ARMCX4: variants seen among roughly 807,000 people sequenced by gnomAD.
ARMCX4 encodes the protein armadillo repeat containing X-linked 4.
Under a neutral mutation model 34.7 loss-of-function variants are expected in ARMCX4, and 3 were observed. That is an observed-to-expected ratio of 0.09 (90% CI 0.04 to 0.22). The LOEUF is 0.22. ARMCX4 is among the 10% of genes least tolerant of loss of function. The pLI, the probability that ARMCX4 is intolerant of heterozygous loss-of-function variation, is 1.00. For missense variants in ARMCX4, 1,448 were observed against 1,720.8 expected (o/e 0.84, Z 2.81); for synonymous variants, 513 against 632.8 (o/e 0.81, Z 2.84).
chrX:101,500,148 C>T (rs193094021), downstream of ARMCX4, among the ~76,000 whole-genome samples: 8 of 111,372 alleles, frequency 7.2e-5, no homozygotes, highest in East Asian at 2.0e-3. Context: ...TCTTAATTGT[C>T]CCCCTTATTA....
At chrX:101,501,286 A>G (rs1934292946) in intron 7 of ARMCX4, among the ~76,000 whole-genome samples, 1 of 113,282 alleles carries the variant, frequency 8.8e-6, no homozygotes, top group African/African-American at 3.2e-5. Flanking sequence ...CTTGATGCAT[A>G]CAAGAGACAG....
chrX:101,525,405 C>T (rs1556020168), intron 11 of ARMCX4, among the ~76,000 whole-genome samples: 1 of 111,711 alleles, frequency 9.0e-6, no homozygotes, highest in East Asian at 2.8e-4. Flanking sequence ...ACCAGAGCGC[C>T]TCTTCTCCTC....
intron 2 of ARMCX4, among the ~76,000 whole-genome samples, chrX:101,423,045 G>T (rs1555990346): frequency 9.1e-6 from 1 of 109,356 alleles, no homozygotes; most frequent in African/African-American, 3.3e-5. Flanking sequence ...GAGTAGCTGG[G>T]ATTACAGGCG....
intron 4 of ARMCX4, among the ~76,000 whole-genome samples, chrX:101,467,564 A>G (rs782773486): frequency 8.9e-6 from 1 of 112,284 alleles, no homozygotes; most frequent in East Asian, 2.8e-4. Flanking sequence ...GGTGATGATG[A>G]TATAATTCCT....
upstream of ARMCX4, among the ~76,000 whole-genome samples, chrX:101,480,553 G>A (rs1933403023): frequency 9.0e-6 from 1 of 111,456 alleles, no homozygotes; most frequent in East Asian, 2.8e-4. Flanking sequence ...GCGACACAGC[G>A]AAACCCTGTC....
chrX:101,505,655 A>C (rs1406967781), intron 8 of ARMCX4, among the ~76,000 whole-genome samples: 2 of 111,648 alleles, frequency 1.8e-5, no homozygotes, highest in Non-Finnish European at 3.8e-5. Flanking sequence ...ATTGAAACCG[A>C]GGGTACAGCC....
intron 7 of ARMCX4, among the ~76,000 whole-genome samples, chrX:101,503,429 A>G (rs1556014234): frequency 9.0e-6 from 1 of 111,496 alleles, no homozygotes; most frequent in Non-Finnish European, 1.9e-5. Flanking sequence ...CTATTTCTCT[A>G]CATCCTCTCC....
chrX:101,466,356 C>T (rs1241212828), intron 4 of ARMCX4, among the ~76,000 whole-genome samples: 4 of 111,507 alleles, frequency 3.6e-5, no homozygotes, highest in African/African-American at 1.3e-4. Flanking sequence ...ATACACTTCC[C>T]ATGTGACTCA....
chrX:101,441,767 A>G (rs1400568234), intron 2 of ARMCX4, among the ~76,000 whole-genome samples: 1 of 111,264 alleles, frequency 9.0e-6, no homozygotes, highest in African/African-American at 3.3e-5. Context: ...TGCAGTCACA[A>G]TAATCGTGGC....
Position 101,489,313 on chromosome X carries a change from A to G in ARMCX4, c.724A>G (p.Thr242Ala). 1 of 1,155,566 alleles carries G rather than the reference A, an allele frequency of 8.7e-7. No homozygotes were observed. Among genetic ancestry groups the G allele is most frequent in the African/African-American group, 1.8e-5 (1 of 56,307 alleles). Residue 242 changes from threonine (T) to alanine (A), a missense_variant, in exon 6 of 6, where the codon ACT becomes GCT. Thr to Ala is a moderately conservative substitution (Grantham distance 58, BLOSUM62 0). Around this residue, in one of 2 missense-constraint regions of ARMCX4, gnomAD observed 1,343 missense variants for 1,540.7 expected, o/e 0.87. Coordinates refer to ENST00000423738, the MANE Select transcript of ARMCX4 (RefSeq NM_001256155.3). ...DETKTRALEE[T>A]VSVAKTQSEA... is the part of the protein sequence containing the mutation. Reference sequence around the variant, plus strand: ...AACCAAGACAAGAGCTCTGGAAGAGACTGTGAGTGTGGCTAAGACTCAGTC... The same window carrying G: ...AACCAAGACAAGAGCTCTGGAAGAGGCTGTGAGTGTGGCTAAGACTCAGTC...
At chrX:101,498,160 G>A (rs988590680), downstream of ARMCX4, 1 of 328,860 alleles carries the variant, frequency 3.0e-6, no homozygotes, top group African/African-American at 2.7e-5. Flanking sequence ...GATCCCAAGA[G>A]CATTCCCTAG....
At chrX:101,422,452 C>T (rs1028844832) in intron 2 of ARMCX4, among the ~76,000 whole-genome samples, 1 of 109,780 alleles carries the variant, frequency 9.1e-6, no homozygotes, top group African/African-American at 3.3e-5. Flanking sequence ...GGTGGGATGG[C>T]AGAACTGGTT....
chrX:101,521,821 C>T lies in ARMCX4; in HGVS notation c.*1781-9823C>T, dbSNP rs186092523. Among the ~76,000 whole-genome samples the T allele has an allele frequency of 2.5e-4, 28 of 111,252 alleles. 1 individual carries two copies. Among genetic ancestry groups the T allele is most frequent in the Admixed American group, 2.1e-3 (22 of 10,414 alleles). On this transcript the variant is annotated intron_variant and NMD_transcript_variant, in intron 11 of 12. Coordinates refer to the ARMCX4 transcript ENST00000354842. ...ATTTGCACATATGTGTGCATCAACC[C>T]CTATTTTTTGTTGTTGATTCTTAAT...
At chrX:101,437,456 C>A (rs1486012023) in intron 2 of ARMCX4, among the ~76,000 whole-genome samples, 5 of 111,730 alleles carry the variant, frequency 4.5e-5, no homozygotes, top group African/African-American at 1.6e-4. Flanking sequence ...GTATTCTATG[C>A]TGGTAATTTG....
intron 2 of ARMCX4, among the ~76,000 whole-genome samples, chrX:101,432,929 T>TACACAC (rs1930246107): frequency 6.3e-5 from 6 of 94,686 alleles, no homozygotes; most frequent in East Asian, 3.5e-4. Context: ...CATACGTATA[T>TACACAC]ATATACGTGT....
Position 101,491,388 on chromosome X carries a change from T to C in ARMCX4, c.2799T>C (p.Asn933=), listed in dbSNP as rs1933974108. Residue 933 remains asparagine (N), a synonymous_variant, in exon 6 of 6, where the codon AAT becomes AAC. Transcript: ENST00000423738. ...GGAATAAGGTCAAGGGCAATTCCAA[T>C]GCTATTTCTAAGGCAGAGGCTGGGG... is the stretch of plus-strand genomic sequence containing the variant. ...GARNKVKGNS[N]AISKAEAGAG... The C allele has an allele frequency of 2.6e-6, 3 of 1,155,336 alleles. No individual in the cohort carries two copies. The highest frequency in any genetic ancestry group is 1.1e-6 in the Non-Finnish European group (1 of 872,888).
At position 101,527,386 on chromosome X, in the gene ARMCX4, T is replaced by C. The variant is rs372586003; in HGVS notation, c.*1781-4258T>C. Among the ~76,000 whole-genome samples, 33 of 111,143 alleles carry C rather than the reference T, an allele frequency of 3.0e-4. No homozygotes were observed. In the East Asian group the frequency reaches 8.3e-3, roughly 28 times the overall value. On this transcript the variant is annotated intron_variant and NMD_transcript_variant, in intron 11 of 12. Coordinates refer to the ARMCX4 transcript ENST00000354842. ...TGCCCACAAGAGAAAGCAGGAAAGA[T>C]CTAAAATCGACACCCTAACATCACA...
Position 101,490,229 on chromosome X carries a change from G to A in ARMCX4, c.1640G>A (p.Cys547Tyr), listed in dbSNP as rs1933916309. 9.5e-6 allele frequency: 11 copies of A among 1,155,515 alleles called. No homozygotes were observed. The highest frequency in any genetic ancestry group is 1.3e-5 in the Non-Finnish European group (11 of 872,821). Residue 547 changes from cysteine (C) to tyrosine (Y), a missense_variant, in exon 6 of 6, where the codon TGT becomes TAT. By Grantham distance (194) the Cys-to-Tyr change is radical. Around this residue, in one of 2 missense-constraint regions of ARMCX4, gnomAD observed 1,343 missense variants for 1,540.7 expected, o/e 0.87. Coordinates refer to ENST00000423738, the MANE Select transcript of ARMCX4 (RefSeq NM_001256155.3). ...KTGPGMDMKT[C>Y]TQPQAGVKTP... ...GGGCCTGGGATGGACATGAAAACCT[G>A]TACACAACCTCAGGCTGGGGTCAAG... is the stretch of plus-strand genomic sequence containing the variant.
chrX:101,530,543 GTAGT>G (rs1457336635), intron 11 of ARMCX4, among the ~76,000 whole-genome samples: 2 of 111,245 alleles, frequency 1.8e-5, no homozygotes, highest in African/African-American at 6.5e-5. Context: ...AAATTTTAAG[GTAGT>G]TAGAGGAAAA....
Sources: gnomAD v4.1 joint callset for allele counts (sites outside exome capture counted in the v4.1 genomes callset) on GRCh38, gnomAD v4.1.1 for gene constraint, gnomAD v4.1.1 regional missense constraint, MANE v1.5 for transcripts, NCBI Gene and HGNC (gene_info 2026-07-23, HGNC 2026-07-21) for gene names.